CROT: variants seen among roughly 807,000 people sequenced by gnomAD.
CROT encodes the protein carnitine O-octanoyltransferase.
In CROT, 84 loss-of-function variants were observed where a neutral mutation model predicts 89.2. The observed-to-expected ratio is 0.94, with a 90% confidence interval of 0.79 to 1.13. The LOEUF is 1.13. Among genes scored for constraint, CROT ranks in the 50% most tolerant of loss-of-function variants. CROT has a pLI of 0.00. For synonymous variants in CROT, 212 were observed against 239.5 expected, an observed-to-expected ratio of 0.89 and a Z score of 1.06; for missense variants, 711 against 727.8, an observed-to-expected ratio of 0.98 and a Z score of 0.27.
At chr7:87,376,448 C>G (rs1281922076) in intron 9 of CROT, among the ~76,000 whole-genome samples, 1 of 151,988 alleles carries the variant, frequency 6.6e-6, no homozygotes, top group Non-Finnish European at 1.5e-5. Context: ...TAAATATGGC[C>G]TTATTTTATG....
Position 87,392,789 on chromosome 7 carries a change from C to G in CROT, c.1564C>G (p.Pro522Ala), listed in dbSNP as rs1370303940. 6.2e-7 allele frequency: 1 copy of G among 1,613,592 alleles called. No homozygotes were observed. Among genetic ancestry groups the G allele is most frequent in the Non-Finnish European group, 8.5e-7 (1 of 1,179,796 alleles). The change falls in exon 16 of 18, where the codon CCA becomes GCA. Residue 522 changes from proline (P) to alanine (A), a missense_variant. Transcript: ENST00000331536. ...LIAKEEGLPV[P>A]ELFTDPLFSK... Reference sequence around the variant, plus strand: ...AGCAAAAGAGGAAGGTCTTCCTGTTCCAGAACTCTTTACGGACCCACTTTT... The same window carrying G: ...AGCAAAAGAGGAAGGTCTTCCTGTTGCAGAACTCTTTACGGACCCACTTTT...
intron 17 of CROT, among the ~76,000 whole-genome samples, chr7:87,393,986 G>A (rs1451964897): frequency 6.6e-6 from 1 of 152,034 alleles, no homozygotes; most frequent in African/African-American, 2.4e-5. Context: ...ACAGATACTA[G>A]TCTATTTCAT....
At chr7:87,380,416 TA>T (rs1448063592) in intron 10 of CROT, among the ~76,000 whole-genome samples, 1 of 152,298 alleles carries the variant, frequency 6.6e-6, no homozygotes, top group Non-Finnish European at 1.5e-5. Flanking sequence ...GTAAGTGGTA[TA>T]AAAATCATTT....
Position 87,382,120 on chromosome 7 carries a change from T to A in CROT, c.1109T>A (p.Phe370Tyr). Residue 370 changes from phenylalanine to tyrosine, a missense_variant, in exon 12 of 18, where the codon TTC (phenylalanine) becomes TAC (tyrosine). Coordinates refer to ENST00000331536, the MANE Select transcript of CROT (RefSeq NM_021151.4). The part of the protein sequence containing the change: ...RDIPLPEELI[F>Y]IVDEKVLNDI... ...ATACCACTTCCAGAAGAGCTCATTT[T>A]CATTGTGGATGAGAAAGTTTTAAAT... The A allele has an allele frequency of 6.2e-7, 1 of 1,613,704 alleles. No individual in the cohort carries two copies. Among genetic ancestry groups the A allele is most frequent in the South Asian group, 1.1e-5 (1 of 91,046 alleles).
chr7:87,379,160 T>C (rs753106221), intron 10 of CROT, among the ~76,000 whole-genome samples: 2 of 152,206 alleles, frequency 1.3e-5, no homozygotes, highest in Non-Finnish European at 2.9e-5. Context: ...TTCATTTCCC[T>C]TTGACCTGTC....
At chr7:87,354,486 A>G (rs1240530283) in intron 3 of CROT, 1 of 476,870 alleles carries the variant, frequency 2.1e-6, no homozygotes, top group South Asian at 1.5e-5. Context: ...TTTTGATTAC[A>G]TTGACAATTT....
chr7:87,350,594 G>A (rs1805836035), intron 3 of CROT, among the ~76,000 whole-genome samples: 1 of 152,160 alleles, frequency 6.6e-6, no homozygotes, highest in Non-Finnish European at 1.5e-5. Flanking sequence ...AGAAGGTAAT[G>A]TTGACCCCTA....
intron 10 of CROT, among the ~76,000 whole-genome samples, chr7:87,380,216 C>A (rs556193782): frequency 4.7e-5 from 1 of 21,304 alleles, no homozygotes; most frequent in Admixed American, 8.7e-4. Flanking sequence ...TGAATATGTT[C>A]TTTTGTGATT....
chr7:87,358,636 T>C (rs1403348274), intron 3 of CROT, among the ~76,000 whole-genome samples: 1 of 151,614 alleles, frequency 6.6e-6, no homozygotes, highest in Non-Finnish European at 1.5e-5. Context: ...AAGAGAAAAA[T>C]ATATTTATTA....
At chr7:87,346,185 G>T (rs1292980209) in intron 1 of CROT, 155 bp from the exon 2 acceptor site, 1 of 151,340 alleles carries the variant, frequency 6.6e-6, no homozygotes, top group Non-Finnish European at 1.5e-5. Context: ...CTCTCTAGCA[G>T]GTGGACTATT....
At chr7:87,361,147 G>A (rs1806254749) in intron 4 of CROT, among the ~76,000 whole-genome samples, 1 of 148,032 alleles carries the variant, frequency 6.8e-6, no homozygotes, top group South Asian at 2.1e-4. Context: ...TTTTTTTGTA[G>A]AGACAGGGTC....
intron 4 of CROT, among the ~76,000 whole-genome samples, chr7:87,361,033 A>G (rs558214104): frequency 5.3e-5 from 8 of 152,242 alleles, no homozygotes; most frequent in Non-Finnish European, 1.0e-4. Context: ...CAGTGGTGCA[A>G]TCATAGCTCA....
intron 4 of CROT, 103 bp downstream of exon 4, chr7:87,359,433 A>ATTATTG (rs1469682679): frequency 6.8e-7 from 1 of 1,466,282 alleles, no homozygotes; most frequent in Non-Finnish European, 9.0e-7. Context: ...TTTTACAGTT[A>ATTATTG]TTATTGTTAT....
chr7:87,379,806 A>G (rs1454074984), intron 10 of CROT, among the ~76,000 whole-genome samples: 1 of 152,196 alleles, frequency 6.6e-6, no homozygotes, highest in African/African-American at 2.4e-5. Context: ...TTTGTAAATC[A>G]TCATTAGTGA....
Position 87,361,379 on chromosome 7 carries a change from A to G in CROT, c.241-11A>G, listed in dbSNP as rs1806262725. 1 of 1,610,506 alleles carries G rather than the reference A, an allele frequency of 6.2e-7. No homozygotes were observed. Among genetic ancestry groups the G allele is most frequent in the Non-Finnish European group, 8.5e-7 (1 of 1,178,944 alleles). On this transcript the variant is annotated splice_polypyrimidine_tract_variant and intron_variant, in intron 4 of 17. Coordinates refer to ENST00000331536, the MANE Select transcript of CROT (RefSeq NM_021151.4). ...GAAGAACATTAAGCTGATGTTCTCA[A>G]TTTCTTTTAGCTGGAAGAGTGGTGG...
rs544748910 is a variant in CROT at position 87,359,344 on chromosome 7, T to C, written c.240+14T>C. 216 of 1,584,306 alleles carry C rather than the reference T, an allele frequency of 1.4e-4. No homozygotes were observed. Among genetic ancestry groups the C allele is most frequent in the Non-Finnish European group, 1.8e-4 (215 of 1,162,248 alleles). ...AAAAGAAATTGGGTATTTGTTGTTA[T>C]AATTGAATAATGATGATGTTTAAAG... is the stretch of plus-strand genomic sequence containing the variant. On this transcript the variant is annotated intron_variant, in intron 4 of 17. Coordinates refer to ENST00000331536, the MANE Select transcript of CROT (RefSeq NM_021151.4).
At chr7:87,358,443 C>T (rs1416489700) in intron 3 of CROT, among the ~76,000 whole-genome samples, 9 of 132,802 alleles carry the variant, frequency 6.8e-5, no homozygotes, top group Middle Eastern at 5.3e-3. Context: ...GATTACGCCA[C>T]TGCACTCCAG....
chr7:87,365,335 A>G (rs1263140878), intron 6 of CROT, among the ~76,000 whole-genome samples: 2 of 152,098 alleles, frequency 1.3e-5, no homozygotes, highest in African/African-American at 4.8e-5. Context: ...CTAAAAATAC[A>G]AAAATTTAGC....
intron 3 of CROT, among the ~76,000 whole-genome samples, chr7:87,352,697 T>C (rs777781277): frequency 3.9e-5 from 6 of 152,186 alleles, no homozygotes; most frequent in Non-Finnish European, 8.8e-5. Context: ...GACTAAATAG[T>C]TTCAAATTAT....
Sources: allele counts gnomAD v4.1 joint callset (sites outside exome capture counted in the v4.1 genomes callset), GRCh38; gene constraint gnomAD v4.1.1; transcripts MANE v1.5; gene names NCBI Gene and HGNC (gene_info 2026-07-23, HGNC 2026-07-21).